CNTN5: variants seen among roughly 807,000 people sequenced by gnomAD.
CNTN5 encodes the protein contactin 5, also known as contactin-5.
A neutral mutation model predicts 129.1 loss-of-function variants in CNTN5; 77 were observed. The observed-to-expected ratio is 0.60, with a 90% CI of 0.50 to 0.72. CNTN5 has a LOEUF of 0.72. CNTN5 is among the 30% of genes least tolerant of loss of function. The pLI is 0.00. For missense variants in CNTN5, 1,478 were observed against 1,328.8 expected, an observed-to-expected ratio of 1.11 and a Z score of -1.75; for synonymous variants, 509 against 465.6, an observed-to-expected ratio of 1.09 and a Z score of -1.20.
At chr11:100,050,855 A>G (rs1482215647) in intron 9 of CNTN5, among the ~76,000 whole-genome samples, 1 of 152,104 alleles carries the variant, frequency 6.6e-6, no homozygotes, top group African/African-American at 2.4e-5. Context: ...TGAACATTTT[A>G]TGATAATAAA....
At chr11:99,620,025 C>CAAAAA (rs779644229) in intron 3 of CNTN5, among the ~76,000 whole-genome samples, 5 of 67,898 alleles carry the variant, frequency 7.4e-5, no homozygotes, top group Admixed American at 2.1e-4. Context: ...GACTCCGTCT[C>CAAAAA]AAAAAAAAAA....
intron 6 of CNTN5, among the ~76,000 whole-genome samples, chr11:99,883,997 G>T (rs1351658258): frequency 6.6e-6 from 1 of 152,174 alleles, no homozygotes; most frequent in Non-Finnish European, 1.5e-5. Context: ...TGGGGAATAT[G>T]TACAATTAAA....
chr11:99,159,782 A>T (rs957439869), intron 1 of CNTN5, among the ~76,000 whole-genome samples: 8 of 152,216 alleles, frequency 5.3e-5, no homozygotes, highest in African/African-American at 1.7e-4. Context: ...TATCACATTA[A>T]TAACTAGAGG....
intron 2 of CNTN5, among the ~76,000 whole-genome samples, chr11:99,338,348 G>T (rs769393194): frequency 5.3e-5 from 8 of 151,912 alleles, no homozygotes; most frequent in Non-Finnish European, 4.4e-5. Context: ...TTTATTGAGG[G>T]GCATAATAAG....
intron 8 of CNTN5, among the ~76,000 whole-genome samples, chr11:99,967,198 G>C (rs192499379): frequency 1.2e-4 from 18 of 152,250 alleles, no homozygotes; most frequent in Admixed American, 2.6e-4. Flanking sequence ...AAGGCTATAC[G>C]AAGGAACAGA....
intron 1 of CNTN5, among the ~76,000 whole-genome samples, chr11:99,118,498 C>T (rs1202672679): frequency 1.3e-5 from 2 of 151,814 alleles, no homozygotes; most frequent in Non-Finnish European, 2.9e-5. Context: ...AGTTGTGCTT[C>T]CATTGGTTTA....
intron 1 of CNTN5, among the ~76,000 whole-genome samples, chr11:99,161,929 T>G (rs1190403685): frequency 1.3e-5 from 2 of 152,190 alleles, no homozygotes; most frequent in African/African-American, 4.8e-5. Flanking sequence ...GCAAAATCCA[T>G]GTCAAGCACC....
At chr11:99,821,319 C>A (rs1356575174) in intron 4 of CNTN5, among the ~76,000 whole-genome samples, 4 of 152,092 alleles carry the variant, frequency 2.6e-5, no homozygotes, top group Non-Finnish European at 5.9e-5. Flanking sequence ...AATATTGGGA[C>A]ATAAGATGGA....
chr11:99,943,738 T>A (rs775503823), intron 7 of CNTN5, among the ~76,000 whole-genome samples: 9 of 152,086 alleles, frequency 5.9e-5, no homozygotes, highest in Non-Finnish European at 1.5e-5. Context: ...GTCCAGTTTC[T>A]GTTTTCTGCA....
At chr11:99,904,100 T>C (rs1231387745) in intron 6 of CNTN5, among the ~76,000 whole-genome samples, 1 of 152,174 alleles carries the variant, frequency 6.6e-6, no homozygotes, top group East Asian at 1.9e-4. Flanking sequence ...TATATAGTTC[T>C]ATCATCATAT....
At chr11:99,680,649 C>T (rs965514191) in intron 3 of CNTN5, among the ~76,000 whole-genome samples, 3 of 151,806 alleles carry the variant, frequency 2.0e-5, no homozygotes, top group Non-Finnish European at 4.4e-5. Flanking sequence ...GCCTATTACA[C>T]AACATCCATT....
intron 3 of CNTN5, among the ~76,000 whole-genome samples, chr11:99,805,773 A>G (rs1946250604): frequency 6.6e-6 from 1 of 152,212 alleles, no homozygotes; most frequent in Non-Finnish European, 1.5e-5. Flanking sequence ...CTACATTTTA[A>G]TTAGGTAGCT....
intron 2 of CNTN5, among the ~76,000 whole-genome samples, chr11:99,439,887 A>G (rs1236920430): frequency 6.6e-6 from 1 of 152,120 alleles, no homozygotes; most frequent in African/African-American, 2.4e-5. Flanking sequence ...TGGAGAGGAA[A>G]TAGTATTTAA....
chr11:99,752,931 A>G (rs7929268), intron 3 of CNTN5, among the ~76,000 whole-genome samples: 29,528 of 151,900 alleles, frequency 0.19, 3,703 homozygotes, highest in East Asian at 0.63. Context: ...AAATGAAGAG[A>G]GTCTGTAGTT....
intron 20 of CNTN5, among the ~76,000 whole-genome samples, chr11:100,304,683 G>A (rs1346755923): frequency 6.6e-6 from 1 of 151,520 alleles, no homozygotes; most frequent in African/African-American, 2.4e-5. Context: ...CATCAGGTAA[G>A]TGTAACATAG....
intron 1 of CNTN5, among the ~76,000 whole-genome samples, chr11:99,119,175 A>G (rs1163868129): frequency 6.6e-6 from 1 of 152,124 alleles, no homozygotes; most frequent in Non-Finnish European, 1.5e-5. Context: ...TCAGTGGTAC[A>G]TGTGCAGAGT....
intron 1 of CNTN5, among the ~76,000 whole-genome samples, chr11:99,282,445 A>G (rs989035236): frequency 4.6e-5 from 7 of 152,118 alleles, no homozygotes; most frequent in Middle Eastern, 3.4e-3. Flanking sequence ...GTGAGCTGCT[A>G]GGTATGGATT....
At chr11:99,051,969 T>C (rs1864443218) in intron 1 of CNTN5, among the ~76,000 whole-genome samples, 1 of 151,820 alleles carries the variant, frequency 6.6e-6, no homozygotes. Context: ...AAAGGATGAA[T>C]TACATTTTAA....
chr11:99,951,161 C>T (rs891932487), intron 7 of CNTN5, among the ~76,000 whole-genome samples: 1 of 151,740 alleles, frequency 6.6e-6, no homozygotes, highest in African/African-American at 2.4e-5. Context: ...CTTTGAATGC[C>T]TGGTCTCTGT....
Sources: gnomAD v4.1 joint callset for allele counts (sites outside exome capture counted in the v4.1 genomes callset) on GRCh38, gnomAD v4.1.1 for gene constraint, MANE v1.5 for transcripts, NCBI Gene and HGNC (gene_info 2026-07-23, HGNC 2026-07-21) for gene names.